MKLN1: variants seen among roughly 807,000 people sequenced by gnomAD.
MKLN1 encodes muskelin.
In MKLN1, 18 loss-of-function variants were observed where a neutral mutation model predicts 99.0. The ratio of observed to expected loss-of-function variants is 0.18; its 90% CI spans 0.13 to 0.27. The LOEUF (loss-of-function observed/expected upper bound fraction) is 0.27. Ranked by LOEUF, MKLN1 falls within the 10% of genes least tolerant of loss-of-function variation. The pLI, the probability that MKLN1 is intolerant of heterozygous loss-of-function variation, is 1.00. For missense variants in MKLN1, 621 were observed against 875.9 expected (o/e 0.71, Z 3.67); for synonymous variants, 288 against 293.2 (o/e 0.98, Z 0.18).
chr7:131,475,385 G>A (rs541562679), intron 16 of MKLN1, among the ~76,000 whole-genome samples: 2 of 152,120 alleles, frequency 1.3e-5, no homozygotes, highest in Non-Finnish European at 2.9e-5. Flanking sequence ...AAAAACTCTA[G>A]GCCCATAATA....
chr7:131,283,924 T>C (rs1373857217), intron 3 of MKLN1, among the ~76,000 whole-genome samples: 1 of 152,266 alleles, frequency 6.6e-6, no homozygotes, highest in African/African-American at 2.4e-5. Flanking sequence ...TGGAGATTTA[T>C]CTGTGGTACT....
chr7:131,370,998 T>A (rs1190602782), intron 1 of MKLN1, among the ~76,000 whole-genome samples: 1 of 152,324 alleles, frequency 6.6e-6, no homozygotes, highest in South Asian at 2.1e-4. Context: ...ACTCCGTTTC[T>A]GGTCTGTATT....
intron 3 of MKLN1, among the ~76,000 whole-genome samples, chr7:131,225,863 T>C (rs947304376): frequency 1.3e-5 from 2 of 152,144 alleles, no homozygotes; most frequent in Non-Finnish European, 2.9e-5. Flanking sequence ...TCTGGACTAA[T>C]GCACTTTTGA....
rs1563247586 is a variant in MKLN1, at chr7:131,192,231, A to C, written c.-296-10626A>C. ...TATATAAATATATAAAATATATACA[A>C]TATATAAATATATAAAATATAATAT... On this transcript the variant is annotated intron_variant, in intron 2 of 7. Transcript: ENST00000416992. Among the ~76,000 whole-genome samples, 28 of 95,452 alleles carry C rather than the reference A, an allele frequency of 2.9e-4. 2 individuals carry two copies. Among genetic ancestry groups the C allele is most frequent in the African/African-American group, 1.0e-3 (23 of 22,374 alleles). 62.6% of individuals were successfully genotyped at this position (95,452 alleles called of 152,430 possible).
chr7:131,275,567 A>ATTTTTTTTT (rs869119196), intron 3 of MKLN1, among the ~76,000 whole-genome samples: 2 of 5,616 alleles, frequency 3.6e-4, no homozygotes, highest in African/African-American at 8.1e-4. Context: ...ATATATATAT[A>ATTTTTTTTT]TTTTTTTTTT....
intron 12 of MKLN1, among the ~76,000 whole-genome samples, chr7:131,455,302 A>C (rs1284594397): frequency 6.6e-6 from 1 of 152,174 alleles, no homozygotes; most frequent in South Asian, 2.1e-4. Context: ...ATATTCTGAC[A>C]ATCTCTCCCA....
At chr7:131,249,680 T>C (rs1797547367) in intron 3 of MKLN1, among the ~76,000 whole-genome samples, 1 of 151,982 alleles carries the variant, frequency 6.6e-6, no homozygotes, top group East Asian at 1.9e-4. Flanking sequence ...ATGGAAGGCT[T>C]ATACAGAAAG....
intron 1 of MKLN1, among the ~76,000 whole-genome samples, chr7:131,353,914 A>AC (rs1391917543): frequency 2.0e-5 from 3 of 150,906 alleles, no homozygotes; most frequent in Non-Finnish European, 4.4e-5. Flanking sequence ...AAAAAAAAAA[A>AC]AAAAAAAAAA....
chr7:131,382,975 G>A (rs1299539073), intron 2 of MKLN1, among the ~76,000 whole-genome samples: 1 of 152,008 alleles, frequency 6.6e-6, no homozygotes, highest in Non-Finnish European at 1.5e-5. Context: ...GACCCTCCTT[G>A]GCCTCCCAAA....
At chr7:131,478,849 G>A (rs1797039608) in intron 17 of MKLN1, 172 bp downstream of exon 17, 4 of 763,220 alleles carry the variant, frequency 5.2e-6, no homozygotes, top group Non-Finnish European at 8.8e-6. Context: ...GTTGCTTTGA[G>A]GTATCATTTT....
intron 1 of MKLN1, among the ~76,000 whole-genome samples, chr7:131,332,996 T>C (rs1584614705): frequency 6.6e-6 from 1 of 152,088 alleles, no homozygotes. Flanking sequence ...CCATCTTGGC[T>C]CACTGCAAAC....
intron 1 of MKLN1, among the ~76,000 whole-genome samples, chr7:131,366,967 T>C (rs1470597568): frequency 1.4e-4 from 21 of 152,248 alleles, no homozygotes; most frequent in African/African-American, 5.1e-4. Context: ...AATCGTTTGT[T>C]ACTGACATTT....
chr7:131,272,138 T>C (rs1430902516), intron 3 of MKLN1, among the ~76,000 whole-genome samples: 2 of 152,164 alleles, frequency 1.3e-5, no homozygotes, highest in Non-Finnish European at 2.9e-5. Context: ...AGCGAAGGCC[T>C]CTGAAGCTGA....
intron 3 of MKLN1, among the ~76,000 whole-genome samples, chr7:131,291,338 C>G (rs1041726152): frequency 2.0e-5 from 3 of 150,918 alleles, no homozygotes; most frequent in Non-Finnish European, 4.4e-5. Context: ...ATCATGTTGG[C>G]CAGGCTGGTC....
intron 9 of MKLN1, among the ~76,000 whole-genome samples, chr7:131,430,369 G>A (rs1301065741): frequency 6.6e-6 from 1 of 152,050 alleles, no homozygotes; most frequent in African/African-American, 2.4e-5. Flanking sequence ...CCCCGGGAAA[G>A]TATGTGTAAG....
chr7:131,128,858 C>T (rs7811130), intron 1 of MKLN1, among the ~76,000 whole-genome samples: 63,859 of 149,534 alleles, frequency 0.43, 15,494 homozygotes, highest in Non-Finnish European at 0.56. Context: ...CTTCAGCCTC[C>T]GGAGTAGCTA....
chr7:131,164,765 G>C (rs1796099837), intron 2 of MKLN1, among the ~76,000 whole-genome samples: 1 of 152,214 alleles, frequency 6.6e-6, no homozygotes, highest in African/African-American at 2.4e-5. Flanking sequence ...GACAGAGAGA[G>C]AATGGTATTG....
chr7:131,133,817 TTGG>T (rs1426003324), intron 1 of MKLN1, among the ~76,000 whole-genome samples: 10 of 51,082 alleles, frequency 2.0e-4, no homozygotes, highest in East Asian at 1.8e-3. Context: ...TTTTTTTAAT[TTGG>T]TTTTTTTTTT....
intron 3 of MKLN1, among the ~76,000 whole-genome samples, chr7:131,222,352 G>C (rs955440640): frequency 6.6e-6 from 1 of 152,164 alleles, no homozygotes; most frequent in Admixed American, 6.5e-5. Flanking sequence ...TTTATAGATG[G>C]CACCTTCCTG....
Sources: allele counts gnomAD v4.1 joint callset (sites outside exome capture counted in the v4.1 genomes callset), GRCh38; gene constraint gnomAD v4.1.1; transcripts MANE v1.5; gene names NCBI Gene and HGNC (gene_info 2026-07-23, HGNC 2026-07-21).